Variants in STX12 observed in about 807,000 individuals in gnomAD.
The protein encoded by STX12 is syntaxin 12.
Under a neutral mutation model 42.2 loss-of-function variants are expected in STX12, and 17 were observed. That is an observed-to-expected ratio of 0.40 (90% CI 0.28 to 0.60). The LOEUF is 0.60. Among genes scored for constraint, STX12 ranks in the 20% least tolerant of loss-of-function variants. The pLI, the probability that STX12 is intolerant of heterozygous loss-of-function variation, is 0.39. For synonymous variants in STX12, 108 were observed against 116.7 expected, an observed-to-expected ratio of 0.93 and a Z score of 0.48; for missense variants, 297 against 330.9, an observed-to-expected ratio of 0.90 and a Z score of 0.79.
At chr1:27,808,348 T>G (rs1390286307) in intron 4 of STX12, among the ~76,000 whole-genome samples, 1 of 145,610 alleles carries the variant, frequency 6.9e-6, no homozygotes. Flanking sequence ...TATTTATTTA[T>G]TTATTTATTC....
intron 3 of STX12, among the ~76,000 whole-genome samples, chr1:27,795,328 CAG>C (rs1274231866): frequency 3.3e-5 from 5 of 150,018 alleles, no homozygotes; most frequent in Admixed American, 1.3e-4. Flanking sequence ...TAATTTGAGA[CAG>C]AGTCTTGCTC....
intron 2 of STX12, among the ~76,000 whole-genome samples, 182 bp downstream of exon 2, chr1:27,789,813 C>T (rs2088726271): frequency 6.6e-6 from 1 of 152,176 alleles, no homozygotes; most frequent in South Asian, 2.1e-4. Context: ...TTGTAATTTC[C>T]GTTGCCTTTC....
intron 1 of STX12, 48 bp downstream of exon 1, chr1:27,773,473 G>A (rs749446736): frequency 2.6e-6 from 4 of 1,564,156 alleles, no homozygotes; most frequent in Non-Finnish European, 3.5e-6. Flanking sequence ...CCGGGGACAG[G>A]CCTGGGTGAG....
chr1:27,780,071 A>G (rs189995793), intron 1 of STX12, among the ~76,000 whole-genome samples: 2 of 151,354 alleles, frequency 1.3e-5, no homozygotes, highest in Non-Finnish European at 3.0e-5. Context: ...GATTACAAGC[A>G]TGAGTCACTG....
At chr1:27,780,034 G>A (rs181304958) in intron 1 of STX12, among the ~76,000 whole-genome samples, 43 of 151,066 alleles carry the variant, frequency 2.8e-4, no homozygotes, top group African/African-American at 9.3e-4. Context: ...CAGGTGATCC[G>A]CCCGCCTTGG....
At chr1:27,818,969 G>T (rs746709896) in intron 7 of STX12, among the ~76,000 whole-genome samples, 1 of 151,812 alleles carries the variant, frequency 6.6e-6, no homozygotes, top group Non-Finnish European at 1.5e-5. Context: ...AAATAATTTC[G>T]AGTTTATTAA....
Position 27,801,768 on chromosome 1 carries a change from A to C in STX12, c.379A>C (p.Lys127Gln). The change falls in exon 4 of 9, where the codon AAG becomes CAG. Residue 127 changes from lysine (K) to glutamine (Q), a missense_variant. Physicochemically the swap from Lys to Gln is moderately conservative, Grantham distance 53. Coordinates refer to ENST00000373943, the MANE Select transcript of STX12 (RefSeq NM_177424.3). ...FQAVQRRVSEKEKESIARARA... is the reference protein window; with the variant it reads ...FQAVQRRVSEQEKESIARARA... ...GGCTGTGCAGAGAAGGGTATCTGAA[A>C]AGGAAAAGGAGAGTATTGCCAGAGC... The C allele has an allele frequency of 6.3e-7, 1 of 1,596,950 alleles. No individual in the cohort carries two copies. The highest frequency in any genetic ancestry group is 8.5e-7 in the Non-Finnish European group (1 of 1,173,990).
intron 8 of STX12, 179 bp downstream of exon 8, chr1:27,819,911 A>C (rs1267297254): frequency 1.9e-6 from 1 of 534,564 alleles, no homozygotes; most frequent in Non-Finnish European, 3.4e-6. Context: ...TCTACAAAAA[A>C]TAATCACACC....
intron 4 of STX12, 87 bp from the exon 5 acceptor site, chr1:27,810,159 C>T (rs1036599660): frequency 1.6e-6 from 2 of 1,259,870 alleles, no homozygotes; most frequent in Non-Finnish European, 2.3e-6. Context: ...GATGTTGCTT[C>T]TTTATACTGT....
intron 1 of STX12, among the ~76,000 whole-genome samples, chr1:27,783,940 A>G (rs2088684430): frequency 6.6e-6 from 1 of 152,096 alleles, no homozygotes; most frequent in African/African-American, 2.4e-5. Context: ...GCACTTTGGG[A>G]GGCTGAGGCA....
At chr1:27,783,875 A>C (rs2088683522) in intron 1 of STX12, among the ~76,000 whole-genome samples, 1 of 152,140 alleles carries the variant, frequency 6.6e-6, no homozygotes, top group Non-Finnish European at 1.5e-5. Context: ...CCTGGTAAAA[A>C]TATTTCCAAA....
chr1:27,785,150 T>C (rs1170134076), intron 1 of STX12, among the ~76,000 whole-genome samples: 1 of 152,248 alleles, frequency 6.6e-6, no homozygotes, highest in African/African-American at 2.4e-5. Flanking sequence ...GCTCTACTTT[T>C]TAAAGACACT....
Position 27,793,645 on chromosome 1 carries a change from T to C in STX12, c.288+13T>C. ...TACTTCAGAACAGGTTGGTATTTTCTGTTTTGTTTATTAATAGGAAAGGAC... is the reference window on the plus strand; with the variant it reads ...TACTTCAGAACAGGTTGGTATTTTCCGTTTTGTTTATTAATAGGAAAGGAC... On this transcript the variant is annotated intron_variant, in intron 3 of 8. Transcript: ENST00000373943. 6.2e-7 allele frequency: 1 copy of C among 1,607,380 alleles called. No homozygotes were observed. The highest frequency in any genetic ancestry group is 1.7e-5 in the Admixed American group (1 of 59,916).
At chr1:27,809,486 A>T (rs1403394039) in intron 4 of STX12, among the ~76,000 whole-genome samples, 7 of 121,332 alleles carry the variant, frequency 5.8e-5, no homozygotes, top group African/African-American at 2.4e-4. Context: ...TTTGAGATGG[A>T]GTCTTGCTCT....
rs984331639 is a variant in STX12 at position 27,805,781 on chromosome 1, G to T, written c.426+3966G>T. 2.0e-5 allele frequency among the ~76,000 whole-genome samples: 3 copies of T among 152,152 alleles called. No homozygotes were observed. The East Asian group carries it at 5.8e-4, about 29-fold the overall frequency. On this transcript the variant is annotated intron_variant, in intron 4 of 8. Coordinates refer to ENST00000373943, the MANE Select transcript of STX12 (RefSeq NM_177424.3). ...ATTATGATAGATTGTTCTGGTTGAA[G>T]TATCTGAAGAAAATCCAAGCTAGCA...
intron 3 of STX12, among the ~76,000 whole-genome samples, chr1:27,796,335 A>G (rs141964418): frequency 1.8e-4 from 27 of 152,244 alleles, no homozygotes; most frequent in Non-Finnish European, 3.7e-4. Context: ...ATACTTATAT[A>G]CTATCATCAA....
At chr1:27,804,821 AAAGG>A (rs2088852083) in intron 4 of STX12, among the ~76,000 whole-genome samples, 1 of 152,126 alleles carries the variant, frequency 6.6e-6, no homozygotes, top group Non-Finnish European at 1.5e-5. Context: ...AAAAAAAAAA[AAAGG>A]AAGAAAGAAC....
intron 1 of STX12, among the ~76,000 whole-genome samples, chr1:27,780,102 C>G (rs989192451): frequency 6.6e-6 from 1 of 151,744 alleles, no homozygotes; most frequent in Non-Finnish European, 1.5e-5. Flanking sequence ...TTGGTTCCTC[C>G]TTTTTTTAGT....
intron 5 of STX12, among the ~76,000 whole-genome samples, chr1:27,810,953 C>A (rs2088898828): frequency 6.6e-6 from 1 of 151,940 alleles, no homozygotes; most frequent in East Asian, 1.9e-4. Context: ...TGGGAAAACA[C>A]ATAATAATGG....
Sources: allele counts gnomAD v4.1 joint callset (sites outside exome capture counted in the v4.1 genomes callset), GRCh38; gene constraint gnomAD v4.1.1; transcripts MANE v1.5; gene names NCBI Gene and HGNC (gene_info 2026-07-23, HGNC 2026-07-21).